PTPRD: variants seen among roughly 807,000 people sequenced by gnomAD.
The protein encoded by PTPRD is protein tyrosine phosphatase receptor type D, also known as receptor-type tyrosine-protein phosphatase delta.
PTPRD carries 34 observed loss-of-function variants against 214.5 expected under a neutral mutation model. The ratio of observed to expected loss-of-function variants is 0.16; its 90% CI spans 0.12 to 0.21. The LOEUF is 0.21. Among genes scored for constraint, PTPRD ranks in the 10% least tolerant of loss-of-function variants. PTPRD has a pLI of 1.00. For missense variants in PTPRD, 2,545 were observed against 2,398.7 expected (o/e 1.06, Z -1.27); for synonymous variants, 1,128 against 845.7 (o/e 1.33, Z -5.79).
chr9:9,461,489 G>C (rs2093651759), intron 8 of PTPRD, among the ~76,000 whole-genome samples: 1 of 151,964 alleles, frequency 6.6e-6, no homozygotes, highest in African/African-American at 2.4e-5. Flanking sequence ...AGAAATGAGA[G>C]AACATGGAAA....
At chr9:8,725,763 G>A (rs2098550019) in intron 12 of PTPRD, among the ~76,000 whole-genome samples, 1 of 152,148 alleles carries the variant, frequency 6.6e-6, no homozygotes, top group Non-Finnish European at 1.5e-5. Flanking sequence ...GACACATAGA[G>A]ATTTGTACCC....
chr9:9,982,487 T>G (rs1588113196), intron 4 of PTPRD, among the ~76,000 whole-genome samples: 1 of 43,646 alleles, frequency 2.3e-5, no homozygotes, highest in Non-Finnish European at 6.8e-5. Flanking sequence ...TGTGTGTGTG[T>G]GTGTGTGTGT....
intron 10 of PTPRD, among the ~76,000 whole-genome samples, chr9:9,036,716 T>C (rs67442204): frequency 0.17 from 26,450 of 152,132 alleles, 2,471 homozygotes; most frequent in Admixed American, 0.23. Context: ...TTTACATCCA[T>C]AATATTAAGA....
At chr9:9,773,975 C>T (rs2098775369) in intron 5 of PTPRD, among the ~76,000 whole-genome samples, 3 of 152,078 alleles carry the variant, frequency 2.0e-5, no homozygotes, top group South Asian at 2.1e-4. Context: ...ATGTTTTATT[C>T]CAGAGGAGTG....
chr9:10,497,211 T>C (rs1645909841), intron 2 of PTPRD, among the ~76,000 whole-genome samples: 1 of 152,030 alleles, frequency 6.6e-6, no homozygotes, highest in Non-Finnish European at 1.5e-5. Flanking sequence ...GCTCACCACC[T>C]GAGTGATGAG....
chr9:9,406,804 A>T (rs2073588615), intron 8 of PTPRD, among the ~76,000 whole-genome samples: 1 of 151,264 alleles, frequency 6.6e-6, no homozygotes, highest in East Asian at 1.9e-4. Context: ...TTTAAGGAAC[A>T]GTAGGCTTGA....
At chr9:10,128,155 G>C (rs755092595) in intron 3 of PTPRD, among the ~76,000 whole-genome samples, 1 of 151,956 alleles carries the variant, frequency 6.6e-6, no homozygotes, top group African/African-American at 2.4e-5. Context: ...TTCCACATGA[G>C]TCCTTTGCTT....
chr9:10,567,707 T>A (rs2066051576), intron 2 of PTPRD, among the ~76,000 whole-genome samples: 1 of 152,000 alleles, frequency 6.6e-6, no homozygotes, highest in East Asian at 1.9e-4. Context: ...AACCTTTGGT[T>A]TTTCTACTAC....
chr9:8,389,494 A>C, intron 36 of PTPRD, 87 bp from the exon 37 acceptor site: 1 of 989,196 alleles, frequency 1.0e-6, no homozygotes, highest in African/African-American at 1.7e-5. Context: ...GTGCTATCTT[A>C]CTGTTCCACC....
At chr9:9,977,110 A>C (rs1291150927) in intron 4 of PTPRD, among the ~76,000 whole-genome samples, 1 of 152,190 alleles carries the variant, frequency 6.6e-6, no homozygotes, top group Non-Finnish European at 1.5e-5. Context: ...ATTTAAGAGC[A>C]TTATGTTAAG....
At chr9:10,224,425 T>C (rs917699240) in intron 3 of PTPRD, among the ~76,000 whole-genome samples, 2 of 151,992 alleles carry the variant, frequency 1.3e-5, no homozygotes, top group African/African-American at 2.4e-5. Context: ...TAGTTACATA[T>C]GCATACATGT....
intron 2 of PTPRD, among the ~76,000 whole-genome samples, chr9:10,514,604 A>G (rs1447941870): frequency 6.6e-6 from 1 of 151,970 alleles, no homozygotes; most frequent in Non-Finnish European, 1.5e-5. Context: ...TTTGGAATTC[A>G]GTAACTTTTC....
chr9:10,602,290 T>C (rs1224235561), intron 2 of PTPRD, among the ~76,000 whole-genome samples: 1 of 151,874 alleles, frequency 6.6e-6, no homozygotes, highest in African/African-American at 2.4e-5. Flanking sequence ...TTTCTGATAA[T>C]TTCATATAAC....
intron 9 of PTPRD, among the ~76,000 whole-genome samples, chr9:9,299,311 G>C (rs1569567170): frequency 6.6e-6 from 1 of 151,820 alleles, no homozygotes; most frequent in South Asian, 2.1e-4. Context: ...GCCCCCCAGA[G>C]GACATTTGGC....
chr9:8,431,119 G>C (rs940326749), intron 35 of PTPRD, among the ~76,000 whole-genome samples: 24 of 152,140 alleles, frequency 1.6e-4, no homozygotes, highest in Admixed American at 3.3e-4. Context: ...TGGACTGTTA[G>C]CAGTTACGTC....
intron 11 of PTPRD, among the ~76,000 whole-genome samples, chr9:8,946,972 C>CT (rs923547603): frequency 6.2e-5 from 9 of 144,872 alleles, no homozygotes; most frequent in South Asian, 4.3e-4. Context: ...TTCTGCCTAT[C>CT]TTTTTTTTTC....
chr9:9,400,913 T>C (rs1327245981), intron 8 of PTPRD, among the ~76,000 whole-genome samples: 1 of 152,094 alleles, frequency 6.6e-6, no homozygotes, highest in Non-Finnish European at 1.5e-5. Context: ...ACCATTTAAT[T>C]CTTATAAAGG....
intron 17 of PTPRD, among the ~76,000 whole-genome samples, chr9:8,525,404 T>C (rs2073837693): frequency 6.6e-6 from 1 of 152,212 alleles, no homozygotes; most frequent in Admixed American, 6.5e-5. Flanking sequence ...TTTGTTTCAT[T>C]TGGGTACCAA....
intron 2 of PTPRD, among the ~76,000 whole-genome samples, chr9:10,577,915 C>CA (rs1491439065): frequency 1.4e-5 from 2 of 142,978 alleles, no homozygotes; most frequent in African/African-American, 5.2e-5. Flanking sequence ...AAGTTATTTC[C>CA]TTTTTTTTTT....
Sources: gnomAD v4.1 joint callset for allele counts (sites outside exome capture counted in the v4.1 genomes callset) on GRCh38, gnomAD v4.1.1 for gene constraint, MANE v1.5 for transcripts, NCBI Gene and HGNC (gene_info 2026-07-23, HGNC 2026-07-21) for gene names.